The following ZZEF1 variants were observed in gnomAD, a reference collection of about 807,000 sequenced individuals.
The protein encoded by ZZEF1 is zinc finger ZZ-type and EF-hand domain-containing protein 1.
Under a neutral mutation model 342.8 loss-of-function variants are expected in ZZEF1, and 157 were observed. The observed-to-expected ratio is 0.46, with a 90% CI of 0.40 to 0.52. The LOEUF (loss-of-function observed/expected upper bound fraction) is 0.52, where lower values mean the gene tolerates loss of function less well. Among genes scored for constraint, ZZEF1 ranks in the 20% least tolerant of loss-of-function variants. The pLI is 0.00. For synonymous variants in ZZEF1, 1,505 were observed against 1,429.1 expected, an observed-to-expected ratio of 1.05 and a Z score of -1.20; for missense variants, 3,480 against 3,725.6, an observed-to-expected ratio of 0.93 and a Z score of 1.72.
intron 30 of ZZEF1, among the ~76,000 whole-genome samples, chr17:4,059,780 G>C (rs553631613): frequency 2.0e-5 from 3 of 152,128 alleles, no homozygotes; most frequent in Admixed American, 6.5e-5. Context: ...TGCATCTCCA[G>C]TGATCTTCTC....
intron 2 of ZZEF1, among the ~76,000 whole-genome samples, chr17:4,119,192 C>T (rs1044411476): frequency 8.5e-5 from 13 of 152,236 alleles, no homozygotes; most frequent in Non-Finnish European, 1.5e-5. Flanking sequence ...ACATCTGGTA[C>T]AGCAGCTACA....
chr17:4,122,347 C>A (rs543053365), intron 2 of ZZEF1, among the ~76,000 whole-genome samples: 26 of 151,260 alleles, frequency 1.7e-4, no homozygotes, highest in African/African-American at 4.4e-4. Context: ...GAGCTCCCCC[C>A]CAAAAAAATA....
chr17:4,020,307 G>T (rs1053082053), intron 45 of ZZEF1, among the ~76,000 whole-genome samples: 1 of 152,176 alleles, frequency 6.6e-6, no homozygotes, highest in African/African-American at 2.4e-5. Flanking sequence ...TAGTATCAAT[G>T]ACATCATCAT....
At chr17:4,026,392 A>G (rs1165574442) in intron 42 of ZZEF1, among the ~76,000 whole-genome samples, 1 of 152,252 alleles carries the variant, frequency 6.6e-6, no homozygotes, top group East Asian at 1.9e-4. Context: ...GCACATGCAT[A>G]ATTGAATTGC....
At chr17:4,120,397 A>G (rs992467038) in intron 2 of ZZEF1, among the ~76,000 whole-genome samples, 2 of 152,040 alleles carry the variant, frequency 1.3e-5, no homozygotes, top group African/African-American at 2.4e-5. Context: ...CCCTTCTGGT[A>G]TCAAAATCTG....
At position 4,054,073 on chromosome 17, in the gene ZZEF1, G is replaced by A. The variant is rs756476267; in HGVS notation, c.5418C>T (p.Cys1806=). The change falls in exon 34 of 55, where the codon TGC becomes TGT. Residue 1806 remains cysteine, a synonymous_variant. Transcript: ENST00000381638. ...RCLQCSDMDL[C]KTCFLGGVKP... is the part of the protein sequence containing the mutation. ...GAAATTTACCTAGGAAGCAAGTTTT[G>A]CAGAGATCCATGTCGCTGCACTGCA... The A allele has an allele frequency of 2.5e-6, 4 of 1,612,206 alleles. No individual in the cohort carries two copies. Among genetic ancestry groups the A allele is most frequent in the Non-Finnish European group, 3.4e-6 (4 of 1,179,052 alleles).
intron 39 of ZZEF1, among the ~76,000 whole-genome samples, chr17:4,040,569 A>T (rs1356062367): frequency 6.6e-6 from 1 of 152,232 alleles, no homozygotes; most frequent in Non-Finnish European, 1.5e-5. Context: ...ACTGTTAATT[A>T]AGAGAGAAAT....
intron 43 of ZZEF1, 111 bp downstream of exon 43, chr17:4,024,808 T>C: frequency 9.3e-7 from 1 of 1,071,088 alleles, no homozygotes; most frequent in Non-Finnish European, 1.4e-6. Context: ...ATAATCAAGA[T>C]CCTATGGTTT....
At chr17:4,047,807 G>C (rs943392774) in intron 37 of ZZEF1, among the ~76,000 whole-genome samples, 2 of 149,708 alleles carry the variant, frequency 1.3e-5, no homozygotes, top group South Asian at 2.1e-4. Context: ...TGGGCGTGGT[G>C]GTGGGCGCCT....
At chr17:4,033,970 G>A (rs1319862395) in intron 40 of ZZEF1, 45 bp downstream of exon 40, 1 of 1,600,760 alleles carries the variant, frequency 6.2e-7, no homozygotes, top group Non-Finnish European at 8.5e-7. Flanking sequence ...AAACACCAAG[G>A]TGGGATAGAG....
intron 2 of ZZEF1, among the ~76,000 whole-genome samples, chr17:4,119,181 C>T (rs575146802): frequency 7.9e-5 from 12 of 152,318 alleles, no homozygotes; most frequent in Non-Finnish European, 2.9e-5. Flanking sequence ...GCAATGAAAC[C>T]ACATCTGGTA....
intron 39 of ZZEF1, among the ~76,000 whole-genome samples, chr17:4,041,366 C>T (rs2056800162): frequency 2.0e-5 from 3 of 152,022 alleles, no homozygotes; most frequent in South Asian, 4.2e-4. Flanking sequence ...TCAACTCCCA[C>T]GTAGAAGTTC....
In ZZEF1 at chr17:4,142,752, C is replaced by G. The variant is rs1407839910; in HGVS notation, c.144G>C (p.Ala48=). 1 of 1,485,044 alleles carries G rather than the reference C, an allele frequency of 6.7e-7. No homozygotes were observed. The highest frequency in any genetic ancestry group is 1.3e-5 in the South Asian group (1 of 78,022). 92.0% of individuals were successfully genotyped at this position (1,485,044 alleles called of 1,614,324 possible). A position where few individuals can be genotyped will look rare whatever the true frequency, so the allele number is the denominator to read the frequency against. The change falls in exon 1 of 55, where the codon GCG becomes GCC. Residue 48 remains alanine, a synonymous_variant. Transcript: ENST00000381638. ...GVAAPALPPA[A]ALLEPARLRE... Reference sequence around the variant, plus strand: ...GCAGCCTGGCCGGCTCCAGCAGCGCCGCGGCGGGTGGTAGCGCTGGAGCCG... The same window carrying G: ...GCAGCCTGGCCGGCTCCAGCAGCGCGGCGGCGGGTGGTAGCGCTGGAGCCG...
chr17:4,016,255 GCACGGAGGGGCTGAC>G lies in ZZEF1; in HGVS notation c.8145+53_8145+67del, dbSNP rs2056097116. The stretch of plus-strand genomic sequence containing the variant: ...GAGGGGCTGAGCATGGAGGGGCTGA[GCACGGAGGGGCTGAC>G]GAGGTCTCTGCGGCTCAGTCGCTCT... On this transcript the variant is annotated intron_variant, in intron 49 of 54. Transcript: ENST00000381638. This position sits in a 1 kb window ranked among gnomAD's most constrained non-coding sequence, Gnocchi z 4.4. 4 of 1,544,956 alleles carry G rather than the reference GCACGGAGGGGCTGAC, an allele frequency of 2.6e-6. No homozygotes were observed. Among genetic ancestry groups the G allele is most frequent in the South Asian group, 2.5e-5 (2 of 79,264 alleles).
At chr17:4,012,258 T>C (rs1446820307) in intron 52 of ZZEF1, among the ~76,000 whole-genome samples, 1 of 152,212 alleles carries the variant, frequency 6.6e-6, no homozygotes, top group African/African-American at 2.4e-5. Flanking sequence ...AGTGATCCTG[T>C]CTGTGTATGA....
At chr17:4,118,721 G>C (rs1035106104) in intron 2 of ZZEF1, among the ~76,000 whole-genome samples, 1 of 152,208 alleles carries the variant, frequency 6.6e-6, no homozygotes, top group Admixed American at 6.5e-5. Context: ...GGTTGTAGGA[G>C]GGGCGAAATA....
intron 37 of ZZEF1, among the ~76,000 whole-genome samples, chr17:4,047,665 G>A (rs1486238929): frequency 6.1e-5 from 9 of 147,098 alleles, no homozygotes; most frequent in South Asian, 2.2e-4. Context: ...AAAAGTGGCC[G>A]GGCGCAGTGG....
At chr17:4,094,788 C>A (rs550420416) in intron 11 of ZZEF1, among the ~76,000 whole-genome samples, 1 of 152,144 alleles carries the variant, frequency 6.6e-6, no homozygotes, top group African/African-American at 2.4e-5. Context: ...TCCTAGTGGT[C>A]TCTTGGTCCA....
rs1781505641 is a variant in ZZEF1, at chr17:4,075,448, CA to C, written c.3235-20del. ...CATCCAGCTATGATAACAAATGAGC[CA>C]GGGGAAAGAAAGGTTCTATCACTAG... On this transcript the variant is annotated intron_variant, in intron 21 of 54. Transcript: ENST00000381638. 1.9e-6 allele frequency: 3 copies of C among 1,611,238 alleles called. No individual in the cohort carries two copies. The highest frequency in any genetic ancestry group is 3.4e-5 in the Admixed American group (2 of 59,688).
Sources: allele counts gnomAD v4.1 joint callset (sites outside exome capture counted in the v4.1 genomes callset), GRCh38; gene constraint gnomAD v4.1.1; non-coding constraint Gnocchi (gnomAD v3.1); transcripts MANE v1.5; gene names NCBI Gene and HGNC (gene_info 2026-07-23, HGNC 2026-07-21).